The following DNAH9 variants were observed in gnomAD, a reference collection of about 807,000 sequenced individuals.
DNAH9 encodes the protein dynein axonemal heavy chain 9, also known as DNAH9 variant protein.
DNAH9 carries 345 observed loss-of-function variants against 471.6 expected under a neutral mutation model. That is an observed-to-expected ratio of 0.73 (90% CI 0.67 to 0.80). The LOEUF is 0.80. DNAH9 is among the 30% of genes least tolerant of loss of function. The pLI is 0.00. For synonymous variants in DNAH9, 2,093 were observed against 2,123.6 expected (o/e 0.99, Z 0.40); for missense variants, 5,407 against 5,609.2 (o/e 0.96, Z 1.15).
chr17:11,611,671 C>G lies in DNAH9; in HGVS notation c.795C>G (p.Ile265Met). 1 of 1,613,996 alleles carries G rather than the reference C, an allele frequency of 6.2e-7. No individual in the cohort carries two copies. Among genetic ancestry groups the G allele is most frequent in the Non-Finnish European group, 8.5e-7 (1 of 1,179,850 alleles). ...GCAGGTATGAAGATCTGAAATACAT[C>G]TATAATCAACTGAGAACAATAACGG... Reference protein sequence around the residue: ...WKSRYEDLKYIYNQLRTITVR... With the variant: ...WKSRYEDLKYMYNQLRTITVR... Residue 265 changes from isoleucine (I) to methionine (M), a missense_variant, in exon 4 of 69, where the codon ATC becomes ATG. Around this residue, in one of 3 missense-constraint regions of DNAH9, gnomAD observed 767 missense variants for 692.5 expected, o/e 1.11. Transcript: ENST00000262442.
At chr17:11,719,162 T>C (rs1480893294) in intron 26 of DNAH9, among the ~76,000 whole-genome samples, 172 bp from the exon 27 acceptor site, 1 of 152,022 alleles carries the variant, frequency 6.6e-6, no homozygotes, top group Non-Finnish European at 1.5e-5. Flanking sequence ...AGCACTGTGA[T>C]GAGCTTGCCC....
chr17:11,957,892 T>TA (rs1236666263), intron 67 of DNAH9, among the ~76,000 whole-genome samples: 7 of 152,212 alleles, frequency 4.6e-5, no homozygotes, highest in African/African-American at 1.2e-4. Flanking sequence ...TATTATTCCT[T>TA]ACAACTATAA....
At chr17:11,779,637 G>A (rs1968595631) in intron 38 of DNAH9, among the ~76,000 whole-genome samples, 1 of 152,090 alleles carries the variant, frequency 6.6e-6, no homozygotes, top group African/African-American at 2.4e-5. Context: ...TCATTGCCTT[G>A]GGAGGAGGAG....
chr17:11,704,936 G>C, intron 25 of DNAH9, 89 bp from the exon 26 acceptor site: 3 of 1,073,776 alleles, frequency 2.8e-6, no homozygotes, highest in Admixed American at 3.6e-5. Flanking sequence ...GCAGTCAACA[G>C]CCAAGGCATC....
intron 50 of DNAH9, 139 bp downstream of exon 50, chr17:11,854,567 C>T (rs991234758): frequency 1.8e-5 from 19 of 1,076,606 alleles, no homozygotes; most frequent in African/African-American, 4.8e-5. Flanking sequence ...TCTCATTTTT[C>T]AGTAGAGGCA....
intron 50 of DNAH9, among the ~76,000 whole-genome samples, chr17:11,862,555 A>T (rs1401619487): frequency 6.7e-6 from 1 of 149,974 alleles, no homozygotes; most frequent in East Asian, 1.9e-4. Context: ...AATTCTGTGA[A>T]GAAAGTCATT....
intron 9 of DNAH9, among the ~76,000 whole-genome samples, chr17:11,639,225 C>G (rs527241747): frequency 1.3e-5 from 2 of 152,222 alleles, no homozygotes; most frequent in East Asian, 3.9e-4. Flanking sequence ...TTTTGCCTAT[C>G]ATGGAGGACA....
chr17:11,618,584 C>CA (rs55954196), intron 5 of DNAH9, among the ~76,000 whole-genome samples: 124,206 of 139,952 alleles, frequency 0.89, 55,773 homozygotes, highest in South Asian at 0.97. Context: ...GACTCCATCT[C>CA]AAAAAAAAAA....
chr17:11,705,148 AAC>A lies in DNAH9; in HGVS notation c.5520_5521del (p.Pro1841SerfsTer9), dbSNP rs751537142. 2.5e-6 allele frequency: 4 copies of A among 1,614,076 alleles called. No homozygotes were observed. ...TTTGTATTCCTATGAGTACCTGGGA[AAC>A]ACACCTCGCTTGGTGATCACACCTT... ...QFLYSYEYLG[N>X]TPRLVITPLT... On this transcript the variant is annotated frameshift_variant, in exon 26 of 69. Coordinates refer to ENST00000262442, the MANE Select transcript of DNAH9 (RefSeq NM_001372.4). LOFTEE classifies it high-confidence loss of function.
At chr17:11,838,979 G>C (rs1460812255) in intron 49 of DNAH9, among the ~76,000 whole-genome samples, 1 of 152,176 alleles carries the variant, frequency 6.6e-6, no homozygotes, top group Non-Finnish European at 1.5e-5. Flanking sequence ...GAGGTGGGTA[G>C]TAAGTCTCTG....
At chr17:11,704,930 TCAACAGC>T in intron 25 of DNAH9, 88 bp from the exon 26 acceptor site, 1 of 1,000,290 alleles carries the variant, frequency 1.0e-6, no homozygotes, top group Admixed American at 1.8e-5. Flanking sequence ...TTAGCAGCAG[TCAACAGC>T]CAAGGCATCA....
In DNAH9 at chr17:11,719,370, C is replaced by T. The variant is rs1377098677; in HGVS notation, c.5589C>T (p.Thr1863=). Residue 1863 remains threonine, a synonymous_variant, in exon 27 of 69, where the codon ACC becomes ACT. Coordinates refer to ENST00000262442, the MANE Select transcript of DNAH9 (RefSeq NM_001372.4). ...YITLTQSLHL[T]MSGAPAGPAG... is the part of the protein sequence containing the mutation. Reference sequence around the variant, plus strand: ...CCCTCACCCAGTCCCTGCACCTGACCATGAGTGGGGCTCCCGCAGGACCTG... The same window carrying T: ...CCCTCACCCAGTCCCTGCACCTGACTATGAGTGGGGCTCCCGCAGGACCTG... 1.2e-6 allele frequency: 2 copies of T among 1,614,082 alleles called. No homozygotes were observed. Among genetic ancestry groups the T allele is most frequent in the Admixed American group, 1.7e-5 (1 of 60,030 alleles).
At chr17:11,741,847 A>G (rs2075437214) in intron 29 of DNAH9, among the ~76,000 whole-genome samples, 1 of 152,188 alleles carries the variant, frequency 6.6e-6, no homozygotes, top group Non-Finnish European at 1.5e-5. Flanking sequence ...TGCCTTGTGT[A>G]AGACACACTG....
At position 11,690,376 on chromosome 17, in the gene DNAH9, A is replaced by G. The variant is rs1363621987; in HGVS notation, c.4554A>G (p.Thr1518=). The change falls in exon 20 of 69, where the codon ACA becomes ACG. Residue 1518 remains threonine (T), a synonymous_variant. Transcript: ENST00000262442. ...CTATCTGGTTTGAAGTGCAGCGAAC[A>G]TGGACTCACCTGGAAAGCATATTCA... is the stretch of plus-strand genomic sequence containing the variant. ...VISIWFEVQR[T]WTHLESIFTG... The G allele has an allele frequency of 3.7e-6, 6 of 1,614,164 alleles. No homozygotes were observed. The highest frequency in any genetic ancestry group is 1.3e-5 in the African/African-American group (1 of 75,064).
intron 38 of DNAH9, among the ~76,000 whole-genome samples, chr17:11,778,627 G>T (rs762316058): frequency 6.6e-6 from 1 of 152,072 alleles, no homozygotes; most frequent in African/African-American, 2.4e-5. Flanking sequence ...TTGGGAAGAT[G>T]TGTAGTTACC....
intron 10 of DNAH9, among the ~76,000 whole-genome samples, chr17:11,644,425 T>TG (rs2073339352): frequency 6.6e-6 from 1 of 152,080 alleles, no homozygotes; most frequent in Non-Finnish European, 1.5e-5. Flanking sequence ...CTCTGACACT[T>TG]GCGGAGCTGC....
At chr17:11,737,868 A>C (rs1376018021) in intron 28 of DNAH9, among the ~76,000 whole-genome samples, 2 of 152,208 alleles carry the variant, frequency 1.3e-5, no homozygotes, top group Non-Finnish European at 2.9e-5. Context: ...GGCTATGAGG[A>C]GTTAAACCAA....
chr17:11,715,492 T>G (rs2074942993), intron 26 of DNAH9, among the ~76,000 whole-genome samples: 1 of 152,172 alleles, frequency 6.6e-6, no homozygotes, highest in South Asian at 2.1e-4. Context: ...TATGATCATA[T>G]TTGAAGGATT....
chr17:11,702,033 T>C (rs551314429), intron 24 of DNAH9, among the ~76,000 whole-genome samples: 39 of 152,280 alleles, frequency 2.6e-4, no homozygotes, highest in Middle Eastern at 6.8e-3. Context: ...AGCATACAGA[T>C]AGTTCATGAG....
Sources: allele counts gnomAD v4.1 joint callset (sites outside exome capture counted in the v4.1 genomes callset), GRCh38; gene constraint gnomAD v4.1.1; regional missense constraint gnomAD v4.1.1; transcripts MANE v1.5; gene names NCBI Gene and HGNC (gene_info 2026-07-23, HGNC 2026-07-21).